Variants in PARP12 observed in about 807,000 individuals in gnomAD.
PARP12 encodes the protein poly(ADP-ribose) polymerase family member 12, also known as protein mono-ADP-ribosyltransferase PARP12.
PARP12 carries 59 observed loss-of-function variants against 72.4 expected under a neutral mutation model. The observed-to-expected ratio is 0.81, with a 90% CI of 0.66 to 1.01. PARP12 has a LOEUF of 1.01. Among genes scored for constraint, PARP12 ranks in the 50% least tolerant of loss-of-function variants. The probability of loss-of-function intolerance (pLI) is 0.00; values close to 1 mark genes in which losing one functional copy is unlikely to be tolerated. For missense variants in PARP12, 851 were observed against 914.0 expected (o/e 0.93, Z 0.89); for synonymous variants, 403 against 371.4 (o/e 1.09, Z -0.98).
rs756486482 is a variant in PARP12 at position 140,027,280 on chromosome 7, G to A, written c.1624C>T (p.Gln542Ter). ...VQNLALWEVYQWQKGQMQKQN... is the reference protein window; with the variant it reads ...VQNLALWEVY ...CAAGAGCGAGCCCCAACGCACCACTGGTAGACTTCCCAGAGGGCCAGGTTC... is the reference window on the plus strand; with the variant it reads ...CAAGAGCGAGCCCCAACGCACCACTAGTAGACTTCCCAGAGGGCCAGGTTC... The change falls in exon 10 of 12, where the codon CAG (glutamine) becomes TAG (stop). Residue 542 changes from glutamine to a stop codon, truncating the protein, a stop_gained. Transcript: ENST00000263549. LOFTEE classifies it high-confidence loss of function. The A allele has an allele frequency of 1.2e-6, 2 of 1,613,384 alleles. No homozygotes were observed. Among genetic ancestry groups the A allele is most frequent in the Non-Finnish European group, 1.7e-6 (2 of 1,179,682 alleles).
intron 2 of PARP12, chr7:140,057,609 A>G: frequency 2.3e-6 from 1 of 436,876 alleles, no homozygotes; most frequent in South Asian, 3.9e-5. Flanking sequence ...GCCAAATACC[A>G]CCCTTTCATT....
intron 3 of PARP12, 107 bp from the exon 4 acceptor site, chr7:140,054,870 A>C: frequency 5.5e-5 from 50 of 908,228 alleles, no homozygotes; most frequent in Middle Eastern, 2.2e-4. Context: ...ACGCAAGCTC[A>C]CAAAGCCCTA....
chr7:140,041,999 G>T (rs1333635514), intron 5 of PARP12, among the ~76,000 whole-genome samples, 160 bp from the exon 6 acceptor site: 1 of 152,156 alleles, frequency 6.6e-6, no homozygotes, highest in African/African-American at 2.4e-5. Context: ...TTTCAGATCA[G>T]TTTTGAGGTA....
chr7:140,062,503 T>C lies in PARP12; in HGVS notation c.326+19A>G. 1 of 1,530,770 alleles carries C rather than the reference T, an allele frequency of 6.5e-7. No homozygotes were observed. The highest frequency in any genetic ancestry group is 8.7e-7 in the Non-Finnish European group (1 of 1,143,010). The allele number at this position is 1,530,770 out of a possible 1,614,324, so 94.8% of individuals were successfully genotyped here. ...GCGCAGGACCTCCGCCCGCCGTCGC[T>C]CCCGGCGCGGCGCCTTACCCGGCTC... On this transcript the variant is annotated intron_variant, in intron 1 of 11. Coordinates refer to ENST00000263549, the MANE Select transcript of PARP12 (RefSeq NM_022750.4).
At position 140,062,626 on chromosome 7, in the gene PARP12, C is replaced by T; in HGVS notation, c.222G>A (p.Leu74=). 1 of 1,492,112 alleles carries T rather than the reference C, an allele frequency of 6.7e-7. No individual in the cohort carries two copies. Among genetic ancestry groups the T allele is most frequent in the Non-Finnish European group, 8.9e-7 (1 of 1,124,428 alleles). The allele number at this position is 1,492,112 out of a possible 1,614,324, so 92.4% of individuals were successfully genotyped here. A position where few individuals can be genotyped will look rare whatever the true frequency, so the allele number is the denominator to read the frequency against. Residue 74 remains leucine, a synonymous_variant, in exon 1 of 12, where the codon CTG becomes CTA. Coordinates refer to ENST00000263549, the MANE Select transcript of PARP12 (RefSeq NM_022750.4). ...RVVLAASPLR[L]CRAHQGSKPG... ...GCTTGGAGCCCTGGTGCGCGCGACACAGGCGCAGCGGCGAGGCGGCCAGCA... is the reference window on the plus strand; with the variant it reads ...GCTTGGAGCCCTGGTGCGCGCGACATAGGCGCAGCGGCGAGGCGGCCAGCA...
chr7:140,057,038 G>C lies in PARP12; in HGVS notation c.578C>G (p.Thr193Ser), dbSNP rs762814519. The change falls in exon 3 of 12, where the codon ACT (threonine) becomes AGT (serine). Residue 193 changes from threonine (T) to serine (S), a missense_variant. Physicochemically the swap from Thr to Ser is moderately conservative, Grantham distance 58 (BLOSUM62 1). Coordinates refer to ENST00000263549, the MANE Select transcript of PARP12 (RefSeq NM_022750.4). ...YFLQGECKFG[T>S]SCKRSHDFSN... ...GAAATCATGGGATCTCTTACAGCTA[G>C]TGCCAAACTTGCATTCCCCCTGTAA... The C allele has an allele frequency of 1.9e-6, 3 of 1,614,128 alleles. No individual in the cohort carries two copies. The highest frequency in any genetic ancestry group is 2.2e-5 in the East Asian group (1 of 44,906).
At chr7:140,028,923 G>A in intron 8 of PARP12, 2 of 358,938 alleles carry the variant, frequency 5.6e-6, no homozygotes, top group Non-Finnish European at 1.1e-5. Flanking sequence ...TCTCGCCTGT[G>A]TCCCAACTAC....
rs1816486183 is a variant in PARP12 at position 140,041,828 on chromosome 7, G to C, written c.998C>G (p.Ser333Cys). 6.2e-7 allele frequency: 1 copy of C among 1,613,312 alleles called. No homozygotes were observed. The highest frequency in any genetic ancestry group is 8.5e-7 in the Non-Finnish European group (1 of 1,179,558). The change falls in exon 6 of 12, where the codon TCT (serine) becomes TGT (cysteine). Residue 333 changes from serine to cysteine, a missense_variant. By Grantham distance (112) the Ser-to-Cys change is moderately radical. This residue lies in a region of PARP12 where 492 missense variants were observed against 489.3 expected (regional missense o/e 1.01). Transcript: ENST00000263549. Reference sequence around the variant, plus strand: ...AGAGTGAAAGGTACTGGCTGACTCAGAGCACAGGATCCTACAGAAGAAAAA... The same window carrying C: ...AGAGTGAAAGGTACTGGCTGACTCACAGCACAGGATCCTACAGAAGAAAAA... ...CNPKIERILC[S>C]ESASTFHSHC...
intron 8 of PARP12, among the ~76,000 whole-genome samples, chr7:140,032,520 CACG>C (rs980110299): frequency 1.1e-4 from 16 of 152,164 alleles, no homozygotes; most frequent in African/African-American, 3.6e-4. Flanking sequence ...AATGGTTCAT[CACG>C]ACATTATACT....
At position 140,060,714 on chromosome 7, in the gene PARP12, G is replaced by A. The variant is rs529230912; in HGVS notation, c.326+1808C>T. On this transcript the variant is annotated intron_variant, in intron 1 of 11. Transcript: ENST00000263549. ...GCTCTATCCAGCCACCATTTGCTGT[G>A]TGCCTTCCTCCTCGTGGGCTGTTGT... Among the ~76,000 whole-genome samples, 18 of 148,860 alleles carry A rather than the reference G, an allele frequency of 1.2e-4. No homozygotes were observed. The South Asian group carries it at 3.8e-3, about 31-fold the overall frequency.
At chr7:140,034,099 A>G in intron 8 of PARP12, 136 bp downstream of exon 8, 1 of 1,377,674 alleles carries the variant, frequency 7.3e-7, no homozygotes, top group Non-Finnish European at 9.5e-7. Context: ...AAGACAAACG[A>G]TAACAGAGTG....
intron 8 of PARP12, chr7:140,033,473 T>C: frequency 1.0e-6 from 1 of 985,442 alleles, no homozygotes; most frequent in Non-Finnish European, 1.2e-6. Flanking sequence ...GCACTGGCTC[T>C]GGCAAGCCCA....
chr7:140,042,451 G>C (rs1425531319), intron 5 of PARP12, among the ~76,000 whole-genome samples: 1 of 152,234 alleles, frequency 6.6e-6, no homozygotes, highest in Non-Finnish European at 1.5e-5. Context: ...CCAAAGGAAG[G>C]TACGAAACTG....
At chr7:140,032,958 A>T (rs191707116) in intron 8 of PARP12, among the ~76,000 whole-genome samples, 108 of 152,188 alleles carry the variant, frequency 7.1e-4, no homozygotes, top group Admixed American at 3.4e-3. Flanking sequence ...TAATAATAAT[A>T]ATTATTATTT....
At chr7:140,024,960 C>T in intron 11 of PARP12, 75 bp from the exon 12 acceptor site, 1 of 1,402,602 alleles carries the variant, frequency 7.1e-7, no homozygotes, top group Non-Finnish European at 9.9e-7. Context: ...CGAATAGCGT[C>T]CTGGTGATGT....
Position 140,051,159 on chromosome 7 carries a change from T to C in PARP12, c.862+3503A>G, listed in dbSNP as rs1816942175. On this transcript the variant is annotated intron_variant, in intron 4 of 11. Coordinates refer to ENST00000263549, the MANE Select transcript of PARP12 (RefSeq NM_022750.4). Reference sequence around the variant, plus strand: ...ATGGCTGCCCAATTCTGTGTTAATATTACATATGTAAGTGGACTTCAAAAA... The same window carrying C: ...ATGGCTGCCCAATTCTGTGTTAATACTACATATGTAAGTGGACTTCAAAAA... Among the ~76,000 whole-genome samples the C allele has an allele frequency of 4.6e-5, 7 of 152,240 alleles. No individual in the cohort carries two copies. In the South Asian group the frequency reaches 1.5e-3, roughly 32 times the overall value.
chr7:140,056,717 T>A, intron 3 of PARP12, 139 bp downstream of exon 3: 1 of 860,282 alleles, frequency 1.2e-6, no homozygotes, highest in Admixed American at 2.6e-5. Flanking sequence ...GAAAGCATCA[T>A]CAACTCCATT....
At chr7:140,047,352 G>A (rs117660205) in intron 4 of PARP12, among the ~76,000 whole-genome samples, 2,538 of 152,204 alleles carry the variant, frequency 0.017, 33 homozygotes, top group Non-Finnish European at 0.027. Context: ...TGGAACTGGT[G>A]GCTTTATAAG....
In PARP12 at chr7:140,034,279, T is replaced by C; in HGVS notation, c.1377A>G (p.Arg459=). 6.2e-7 allele frequency: 1 copy of C among 1,611,770 alleles called. No individual in the cohort carries two copies. ...CATCCTGGGGAGACACGTATTTGGG[T>C]CTGCGGCAAACCTTTTTAGTTGTGC... ...VYGTTKKVCR[R]PKYVSPQDVT... is the part of the protein sequence containing the mutation. The change falls in exon 8 of 12, where the codon AGA becomes AGG. Residue 459 remains arginine (R), a synonymous_variant. Coordinates refer to ENST00000263549, the MANE Select transcript of PARP12 (RefSeq NM_022750.4).
Sources: gnomAD v4.1 joint callset for allele counts (sites outside exome capture counted in the v4.1 genomes callset) on GRCh38, gnomAD v4.1.1 for gene constraint, gnomAD v4.1.1 regional missense constraint, MANE v1.5 for transcripts, NCBI Gene and HGNC (gene_info 2026-07-23, HGNC 2026-07-21) for gene names.